Variants in NAV3 observed in about 807,000 individuals in gnomAD.
The protein encoded by NAV3 is pore membrane and/or filament interacting like protein 1.
In NAV3, 87 loss-of-function variants were observed where a neutral mutation model predicts 244.7. That is an observed-to-expected ratio of 0.36 (90% CI 0.30 to 0.42). NAV3 has a LOEUF of 0.42. Ranked by LOEUF, NAV3 falls within the 20% of genes least tolerant of loss-of-function variation. The pLI is 1.00. For missense variants in NAV3, 2,663 were observed against 2,893.3 expected (o/e 0.92, Z 1.83); for synonymous variants, 1,126 against 1,042.2 (o/e 1.08, Z -1.55).
At chr12:77,743,674 A>T (rs1565795046) in intron 2 of NAV3, among the ~76,000 whole-genome samples, 2 of 151,864 alleles carry the variant, frequency 1.3e-5, no homozygotes, top group South Asian at 4.1e-4. Context: ...AGATCTGAGA[A>T]ATATACTGAA....
At chr12:77,655,939 A>C (rs369100267) in intron 2 of NAV3, among the ~76,000 whole-genome samples, 2 of 144,200 alleles carry the variant, frequency 1.4e-5, no homozygotes, top group African/African-American at 5.5e-5. Context: ...GCCTGCCCTA[A>C]AAGAGCTCCT....
rs769836928 is a variant in NAV3 at position 78,122,152 on chromosome 12, A to G, written c.3962A>G (p.Asp1321Gly). ...AATAAACCCTCAGACTTAACTACAGATGTTATAAGCTTAAGTCACTCGTTG... is the reference window on the plus strand; with the variant it reads ...AATAAACCCTCAGACTTAACTACAGGTGTTATAAGCTTAAGTCACTCGTTG... The part of the protein sequence containing the change: ...LFNKPSDLTT[D>G]VISLSHSLAS... The change falls in exon 16 of 40, where the codon GAT (aspartate) becomes GGT (glycine). Residue 1321 changes from aspartate (D) to glycine (G), a missense_variant. Asp to Gly is a moderately conservative substitution (Grantham distance 94). This residue lies in a region of NAV3 where 354 missense variants were observed against 413.0 expected (regional missense o/e 0.86). Transcript: ENST00000397909. 8.1e-6 allele frequency: 13 copies of G among 1,613,916 alleles called. No homozygotes were observed. In the Admixed American group the frequency reaches 2.2e-4, roughly 27 times the overall value.
At chr12:78,137,502 TGAA>T (rs1956425390) in intron 19 of NAV3, 137 bp downstream of exon 19, 5 of 868,366 alleles carry the variant, frequency 5.8e-6, no homozygotes, top group South Asian at 2.2e-5. Flanking sequence ...ACTAGAAGCT[TGAA>T]GAAGTTTTAT....
At chr12:77,962,014 TGTC>T (rs763820871) in intron 3 of NAV3, among the ~76,000 whole-genome samples, 3 of 152,144 alleles carry the variant, frequency 2.0e-5, no homozygotes, top group Non-Finnish European at 4.4e-5. Context: ...TCTTAGCTCT[TGTC>T]GTACATGACT....
chr12:77,763,993 G>A (rs945663755), intron 2 of NAV3, among the ~76,000 whole-genome samples: 15 of 152,164 alleles, frequency 9.9e-5, no homozygotes, highest in Admixed American at 3.9e-4. Flanking sequence ...GAGGGGCCTC[G>A]TTTTCCTGGT....
At chr12:77,861,174 A>G (rs956249543) in intron 1 of NAV3, among the ~76,000 whole-genome samples, 82 of 151,910 alleles carry the variant, frequency 5.4e-4, no homozygotes, top group African/African-American at 1.6e-3. Flanking sequence ...TGGTATTTAC[A>G]TGGTTATAAT....
At chr12:77,948,335 C>T (rs1246323683) in intron 3 of NAV3, among the ~76,000 whole-genome samples, 4 of 151,796 alleles carry the variant, frequency 2.6e-5, no homozygotes, top group Middle Eastern at 3.2e-3. Flanking sequence ...AATAAAGTAA[C>T]GGTTTGAATT....
chr12:77,982,329 C>G (rs1430705310), intron 5 of NAV3, among the ~76,000 whole-genome samples: 2 of 63,150 alleles, frequency 3.2e-5, no homozygotes, highest in Admixed American at 1.9e-4. Flanking sequence ...AATAAATTGG[C>G]CCTCACCATG....
At chr12:77,997,524 A>G (rs941321170) in intron 6 of NAV3, among the ~76,000 whole-genome samples, 1 of 152,200 alleles carries the variant, frequency 6.6e-6, no homozygotes, top group Non-Finnish European at 1.5e-5. Flanking sequence ...TAGTCTGTTC[A>G]TATTTCCTCA....
At chr12:78,133,441 C>T (rs1169138142) in intron 18 of NAV3, among the ~76,000 whole-genome samples, 2 of 151,154 alleles carry the variant, frequency 1.3e-5, no homozygotes, top group Non-Finnish European at 3.0e-5. Flanking sequence ...CTCTTGTTGT[C>T]TTTTAGCATC....
intron 2 of NAV3, among the ~76,000 whole-genome samples, chr12:77,781,799 T>G (rs1870674315): frequency 1.3e-5 from 2 of 152,132 alleles, no homozygotes; most frequent in African/African-American, 4.8e-5. Flanking sequence ...TTGGCAATAT[T>G]TAGTGAATTC....
At chr12:77,645,536 T>TAAAAA (rs756805711) in intron 2 of NAV3, among the ~76,000 whole-genome samples, 16 of 63,000 alleles carry the variant, frequency 2.5e-4, no homozygotes, top group African/African-American at 8.0e-4. Flanking sequence ...TCTCTCTCTC[T>TAAAAA]AAAAAAAAAA....
At chr12:78,060,979 C>T (rs1884244385) in intron 12 of NAV3, among the ~76,000 whole-genome samples, 1 of 152,070 alleles carries the variant, frequency 6.6e-6, no homozygotes, top group Admixed American at 6.6e-5. Context: ...TGGGCTCTGG[C>T]AGAGGAACTC....
chr12:77,612,949 A>G (rs531464163), intron 2 of NAV3, among the ~76,000 whole-genome samples: 99 of 152,174 alleles, frequency 6.5e-4, no homozygotes, highest in African/African-American at 2.2e-3. Context: ...CCTTTTGCTC[A>G]GCACTTCCTC....
intron 2 of NAV3, among the ~76,000 whole-genome samples, chr12:77,784,621 T>A (rs1870821499): frequency 6.6e-6 from 1 of 152,102 alleles, no homozygotes; most frequent in Non-Finnish European, 1.5e-5. Flanking sequence ...TATAAATCTG[T>A]GATTGTCATT....
At chr12:77,734,539 C>T (rs1877258117) in intron 2 of NAV3, among the ~76,000 whole-genome samples, 1 of 152,142 alleles carries the variant, frequency 6.6e-6, no homozygotes, top group South Asian at 2.1e-4. Flanking sequence ...CAACAACTAA[C>T]TTTGAGGTTT....
intron 2 of NAV3, among the ~76,000 whole-genome samples, chr12:77,638,258 A>C (rs942876270): frequency 7.0e-6 from 1 of 142,602 alleles, no homozygotes; most frequent in African/African-American, 2.7e-5. Context: ...ATTAGGAGGG[A>C]ATGGTTACCC....
chr12:78,072,293 A>T (rs1952811905), intron 12 of NAV3, among the ~76,000 whole-genome samples: 2 of 147,184 alleles, frequency 1.4e-5, no homozygotes, highest in African/African-American at 2.5e-5. Flanking sequence ...CGCTAGCAAG[A>T]CTAATAAAGA....
At chr12:78,075,681 A>G (rs1953012678) in intron 12 of NAV3, among the ~76,000 whole-genome samples, 1 of 152,236 alleles carries the variant, frequency 6.6e-6, no homozygotes, top group Non-Finnish European at 1.5e-5. Flanking sequence ...TTTATAGCTT[A>G]ATTACCTGAA....
Sources: allele counts gnomAD v4.1 joint callset (sites outside exome capture counted in the v4.1 genomes callset), GRCh38; gene constraint gnomAD v4.1.1; regional missense constraint gnomAD v4.1.1; transcripts MANE v1.5; gene names NCBI Gene and HGNC (gene_info 2026-07-23, HGNC 2026-07-21).